The following ANO7 variants were observed in gnomAD, a reference collection of about 807,000 sequenced individuals.
ANO7 encodes anoctamin 7.
ANO7 carries 114 observed loss-of-function variants against 115.8 expected under a neutral mutation model. That is an observed-to-expected ratio of 0.98 (90% CI 0.85 to 1.15). The LOEUF (loss-of-function observed/expected upper bound fraction) is 1.15, where lower values mean the gene tolerates loss of function less well. ANO7 is among the 50% of genes most tolerant of loss of function. The pLI, the probability that ANO7 is intolerant of heterozygous loss-of-function variation, is 0.00. For missense variants in ANO7, 1,302 were observed against 1,201.2 expected, an observed-to-expected ratio of 1.08 and a Z score of -1.24; for synonymous variants, 550 against 498.2, an observed-to-expected ratio of 1.10 and a Z score of -1.38.
At chr2:241,196,909 C>T (rs1449379377) in intron 4 of ANO7, among the ~76,000 whole-genome samples, 2 of 150,252 alleles carry the variant, frequency 1.3e-5, no homozygotes, top group African/African-American at 4.9e-5. Context: ...GCAGGGACTT[C>T]TGGGAGTAGG....
At chr2:241,194,308 C>CTTT (rs558481702) in intron 3 of ANO7, among the ~76,000 whole-genome samples, 6 of 131,788 alleles carry the variant, frequency 4.6e-5, no homozygotes, top group East Asian at 2.2e-4. Context: ...TATTTATTTC[C>CTTT]TTTTTTTTTT....
the ANO7 span, among the ~76,000 whole-genome samples, chr2:241,232,387 C>T: frequency 1.3e-5 from 2 of 151,996 alleles, no homozygotes; most frequent in South Asian, 2.1e-4. Flanking sequence ...GCGATTCTCA[C>T]GTCTCAGTCT....
intron 3 of ANO7, among the ~76,000 whole-genome samples, chr2:241,194,470 A>T (rs1417869293): frequency 1.3e-5 from 2 of 151,806 alleles, no homozygotes; most frequent in Admixed American, 6.6e-5. Context: ...GCCGGCCACC[A>T]CGCCCAGCTA....
In ANO7 at chr2:241,201,598, A is replaced by G. The variant is rs151232118; in HGVS notation, c.612+243A>G. 8.5e-3 allele frequency among the ~76,000 whole-genome samples: 1,295 copies of G among 152,288 alleles called. 4 individuals carry two copies. Among genetic ancestry groups the G allele is most frequent in the Non-Finnish European group, 0.013 (872 of 68,010 alleles). On this transcript the variant is annotated intron_variant, in intron 7 of 24. Coordinates refer to ENST00000674324, the MANE Select transcript of ANO7 (RefSeq NM_001370694.2). ...CCTCCGGGACCCCAGGGCTCAAAAT[A>G]GATATTGGATCTATGGACATGTGGG...
At chr2:241,229,784 G>GGGCGC, downstream of ANO7, 1 of 1,502,550 alleles carries the variant, frequency 6.7e-7, no homozygotes, top group Non-Finnish European at 9.1e-7. Flanking sequence ...AAGCCCGCCT[G>GGGCGC]CCCGCCCACC....
rs773000494 is a variant in ANO7, at chr2:241,224,117, C to G, written c.2604C>G (p.Pro868=). ...EGSELSSHWT[P]FTVPKASQLQ... ...CCCAGCTCAGCTCCCACTGGACACC[C>G]TTCACGGTTCCCAAGGCCAGCCAGC... Residue 868 remains proline (P), a synonymous_variant, in exon 25 of 25, where the codon CCC becomes CCG. Coordinates refer to ENST00000674324, the MANE Select transcript of ANO7 (RefSeq NM_001370694.2). 2 of 1,614,114 alleles carry G rather than the reference C, an allele frequency of 1.2e-6. No homozygotes were observed. Among genetic ancestry groups the G allele is most frequent in the East Asian group, 4.5e-5 (2 of 44,866 alleles).
rs570706666 is a variant in ANO7 at position 241,201,206 on chromosome 2, G to A, written c.555-92G>A. ...ACCCGGGCCCCAAACCTTCTGCACC[G>A]TTCACATGCCCGCAGCTTCCTCCAA... On this transcript the variant is annotated intron_variant, in intron 6 of 24. Transcript: ENST00000674324. The A allele has an allele frequency of 4.7e-5, 70 of 1,486,350 alleles. No homozygotes were observed. In the African/African-American group the frequency reaches 5.4e-4, roughly 12 times the overall value. The allele number at this position is 1,486,350 out of a possible 1,614,324, so 92.1% of individuals were successfully genotyped here. A position where few individuals can be genotyped will look rare whatever the true frequency, so the allele number is the denominator to read the frequency against.
At chr2:241,238,523 C>T in the ANO7 span, 1 of 753,310 alleles carries the variant, frequency 1.3e-6, no homozygotes, top group Non-Finnish European at 2.0e-6. The surrounding 1 kb of genome is among the most constrained non-coding windows in gnomAD (Gnocchi z 4.9). Flanking sequence ...TCTGGAAGCC[C>T]CCAGAATACA....
In ANO7 at chr2:241,203,684, C is replaced by T. The variant is rs79817086; in HGVS notation, c.889+186C>T. ...AAGCCCACTCACTCTAACTGGGCGC[C>T]ATGACGATGCCGGGCCCTGGCCTCC... On this transcript the variant is annotated intron_variant, in intron 9 of 24. Transcript: ENST00000674324. The surrounding 1 kb of genome is among the most constrained non-coding windows in gnomAD (Gnocchi z 4.8). 0.031 allele frequency among the ~76,000 whole-genome samples: 4,741 copies of T among 152,178 alleles called. 176 individuals are homozygous for T. Among genetic ancestry groups the T allele is most frequent in the East Asian group, 0.094 (485 of 5,156 alleles).
downstream of ANO7, among the ~76,000 whole-genome samples, chr2:241,226,165 G>A (rs934089857): frequency 6.6e-5 from 10 of 151,702 alleles, no homozygotes; most frequent in Non-Finnish European, 1.3e-4. Flanking sequence ...GCCCACATGC[G>A]CCCTACCCTG....
chr2:241,223,247 A>G lies in ANO7; in HGVS notation c.2383A>G (p.Ile795Val), dbSNP rs749630068. Residue 795 changes from isoleucine to valine, a missense_variant, in exon 22 of 25, where the codon ATC becomes GTC. Transcript: ENST00000674324. ...YSQTYWNLLA[I>V]RLAFVIVFEH... ...CCAGACCTACTGGAATCTTCTTGCCATCCGCCTGGCCTTCGTCATTGTGTT... is the reference window on the plus strand; with the variant it reads ...CCAGACCTACTGGAATCTTCTTGCCGTCCGCCTGGCCTTCGTCATTGTGTT... 1.2e-6 allele frequency: 2 copies of G among 1,614,216 alleles called. No individual in the cohort carries two copies. The highest frequency in any genetic ancestry group is 1.7e-6 in the Non-Finnish European group (2 of 1,180,042).
chr2:241,210,045 TCA>T (rs746220789), intron 13 of ANO7, among the ~76,000 whole-genome samples: 24 of 152,098 alleles, frequency 1.6e-4, no homozygotes, highest in Non-Finnish European at 2.4e-4. Context: ...TCTCCAACAC[TCA>T]CAGTGGCTGC....
At chr2:241,222,829 G>A (rs766958745) in intron 21 of ANO7, among the ~76,000 whole-genome samples, 2 of 152,110 alleles carry the variant, frequency 1.3e-5, no homozygotes, top group African/African-American at 4.8e-5. Context: ...GTCAGCAATC[G>A]GCGGATTTTC....
chr2:241,234,819 C>T, the ANO7 span, among the ~76,000 whole-genome samples: 9 of 152,294 alleles, frequency 5.9e-5, no homozygotes, highest in East Asian at 1.9e-4. Context: ...GGGGGCCTCT[C>T]GCAACCTTGA....
Position 241,225,056 on chromosome 2 carries a change from CATA to C in ANO7, c.*906_*908del, listed in dbSNP as rs1281218496. The C allele has an allele frequency of 3.3e-5, 5 of 152,182 alleles. No individual in the cohort carries two copies. The highest frequency in any genetic ancestry group is 9.7e-5 in the African/African-American group (4 of 41,438). The allele number at this position is 152,182 out of a possible 1,614,324, so 9.4% of individuals were successfully genotyped here. ...TACATAATTGTTTTCCACGCTGGAT[CATA>C]ATGTGACGTGCAGTTCTGCCCTGTG... On this transcript the variant is annotated 3_prime_UTR_variant, in exon 25 of 25. Transcript: ENST00000674324.
At chr2:241,235,968 C>G in the ANO7 span, 1 of 228,758 alleles carries the variant, frequency 4.4e-6, no homozygotes, top group Non-Finnish European at 8.6e-6. Context: ...CTTCCCTGCC[C>G]TGTCCCTTGG....
intron 21 of ANO7, among the ~76,000 whole-genome samples, chr2:241,219,942 T>G (rs2149268322): frequency 6.6e-6 from 1 of 152,324 alleles, no homozygotes; most frequent in African/African-American, 2.4e-5. Flanking sequence ...CCTCTCTCTG[T>G]GTATGACTAG....
intron 18 of ANO7, 37 bp downstream of exon 18, chr2:241,214,939 A>C: frequency 6.3e-7 from 1 of 1,590,646 alleles, no homozygotes; most frequent in East Asian, 2.2e-5. Flanking sequence ...GCATCCAAGG[A>C]CCGAGGGACC....
intron 15 of ANO7, 61 bp downstream of exon 15, chr2:241,210,631 G>A: frequency 1.4e-6 from 2 of 1,405,386 alleles, no homozygotes; most frequent in Middle Eastern, 1.8e-4. Flanking sequence ...CCGCCAGCCA[G>A]AACGTGACTT....
Sources: gnomAD v4.1 joint callset for allele counts (sites outside exome capture counted in the v4.1 genomes callset) on GRCh38, gnomAD v4.1.1 for gene constraint, Gnocchi (gnomAD v3.1) non-coding constraint, MANE v1.5 for transcripts, NCBI Gene and HGNC (gene_info 2026-07-23, HGNC 2026-07-21) for gene names.